ZDHHC14: variants seen among roughly 807,000 people sequenced by gnomAD.
The protein encoded by ZDHHC14 is palmitoyltransferase ZDHHC14.
In ZDHHC14, 16 loss-of-function variants were observed where a neutral mutation model predicts 47.7. That is an observed-to-expected ratio of 0.34 (90% CI 0.23 to 0.51). The LOEUF (loss-of-function observed/expected upper bound fraction) is 0.51. Ranked by LOEUF, ZDHHC14 falls within the 20% of genes least tolerant of loss-of-function variation. The pLI is 0.97. For synonymous variants in ZDHHC14, 293 were observed against 278.9 expected (o/e 1.05, Z -0.50); for missense variants, 515 against 662.5 (o/e 0.78, Z 2.44).
At chr6:157,527,239 C>G in intron 1 of ZDHHC14, among the ~76,000 whole-genome samples, 1 of 152,164 alleles carries the variant, frequency 6.6e-6, no homozygotes, top group East Asian at 1.9e-4. Flanking sequence ...CATCAGTGCC[C>G]CCATCTCCTA....
chr6:157,532,719 G>A (rs534753096), intron 1 of ZDHHC14, among the ~76,000 whole-genome samples: 2 of 152,306 alleles, frequency 1.3e-5, no homozygotes, highest in Admixed American at 1.3e-4. Context: ...CTTCTCAAAT[G>A]TATGATCCTC....
In ZDHHC14 at chr6:157,429,081, C is replaced by T. The variant is rs151065314; in HGVS notation, c.245+46815C>T. Among the ~76,000 whole-genome samples, 101 of 152,084 alleles carry T rather than the reference C, an allele frequency of 6.6e-4. No individual in the cohort carries two copies. The South Asian group carries it at 0.018, about 28-fold the overall frequency. ...GCTCACCCTGCATGGATGGTGGGGG[C>T]GTGGGGGAAGGGAACGGCCTAGGAT... On this transcript the variant is annotated intron_variant, in intron 1 of 8. Transcript: ENST00000359775.
At chr6:157,489,782 T>A (rs1779869526) in intron 1 of ZDHHC14, among the ~76,000 whole-genome samples, 1 of 152,212 alleles carries the variant, frequency 6.6e-6, no homozygotes, top group Non-Finnish European at 1.5e-5. Context: ...GGTTTGTGTT[T>A]GTTTGAGACA....
At chr6:157,580,992 A>C (rs922688769) in intron 2 of ZDHHC14, among the ~76,000 whole-genome samples, 2 of 151,586 alleles carry the variant, frequency 1.3e-5, no homozygotes, top group East Asian at 1.9e-4. Context: ...TTGCTTCTCT[A>C]ATTCCTCTAG....
At chr6:157,601,204 ATTTC>A (rs1488429365) in intron 3 of ZDHHC14, among the ~76,000 whole-genome samples, 1 of 152,224 alleles carries the variant, frequency 6.6e-6, no homozygotes, top group African/African-American at 2.4e-5. Context: ...ACAGAAGAAT[ATTTC>A]TTTAACATTA....
intron 2 of ZDHHC14, among the ~76,000 whole-genome samples, chr6:157,562,286 C>T (rs1414831098): frequency 3.3e-5 from 5 of 152,142 alleles, no homozygotes; most frequent in African/African-American, 1.2e-4. Context: ...GAAGTGGGGA[C>T]CAGGGATGCC....
chr6:157,469,759 T>C (rs1002382642), intron 1 of ZDHHC14, among the ~76,000 whole-genome samples: 10 of 152,192 alleles, frequency 6.6e-5, no homozygotes, highest in Non-Finnish European at 1.2e-4. Context: ...CACAGCTCAG[T>C]ATGGCACTAC....
intron 1 of ZDHHC14, among the ~76,000 whole-genome samples, chr6:157,478,586 A>G (rs959561934): frequency 1.3e-5 from 2 of 152,234 alleles, no homozygotes; most frequent in African/African-American, 4.8e-5. Flanking sequence ...CACACACAAG[A>G]GAGTCAAAGA....
chr6:157,458,440 A>G (rs1021388698), intron 1 of ZDHHC14, among the ~76,000 whole-genome samples: 15 of 152,252 alleles, frequency 9.9e-5, no homozygotes, highest in African/African-American at 2.4e-4. Flanking sequence ...TCACAGGAAT[A>G]TAAGAGTAGC....
intron 2 of ZDHHC14, among the ~76,000 whole-genome samples, chr6:157,556,852 A>G (rs548870913): frequency 2.6e-4 from 39 of 152,248 alleles, no homozygotes; most frequent in Admixed American, 2.5e-3. Context: ...CGAGCTGAAG[A>G]GTGCTGACTC....
At chr6:157,438,009 G>T (rs1778477933) in intron 1 of ZDHHC14, among the ~76,000 whole-genome samples, 1 of 151,488 alleles carries the variant, frequency 6.6e-6, no homozygotes, top group Non-Finnish European at 1.5e-5. Context: ...GAACTATCAT[G>T]TTTTTTTTAT....
At chr6:157,412,332 G>A (rs148190354) in intron 1 of ZDHHC14, among the ~76,000 whole-genome samples, 2,241 of 141,446 alleles carry the variant, frequency 0.016, 19 homozygotes, top group Non-Finnish European at 0.019. Flanking sequence ...TCGCTGTGTC[G>A]CCCAGGCTGG....
chr6:157,417,939 G>A (rs1340111910), intron 1 of ZDHHC14, among the ~76,000 whole-genome samples: 1 of 150,178 alleles, frequency 6.7e-6, no homozygotes, highest in Non-Finnish European at 1.5e-5. Context: ...GGGCGACAGA[G>A]CGAGAGTCCA....
Position 157,656,209 on chromosome 6 carries a change from C to T in ZDHHC14, c.1068+2582C>T, listed in dbSNP as rs913978540. 5.3e-5 allele frequency among the ~76,000 whole-genome samples: 8 copies of T among 152,280 alleles called. No individual in the cohort carries two copies. In the South Asian group the frequency reaches 1.5e-3, roughly 28 times the overall value. On this transcript the variant is annotated intron_variant, in intron 8 of 8. Coordinates refer to ENST00000359775, the MANE Select transcript of ZDHHC14 (RefSeq NM_024630.3). ...GAGTCACCTTCCAAATAACTAGTAC[C>T]GCTGAAGGCACCGGGCTGTGATGGA...
chr6:157,558,503 CT>C (rs1393546144), intron 2 of ZDHHC14, among the ~76,000 whole-genome samples: 2 of 152,280 alleles, frequency 1.3e-5, no homozygotes, highest in East Asian at 3.9e-4. Context: ...AAACTAATGA[CT>C]CTGGTGCAAA....
intron 2 of ZDHHC14, among the ~76,000 whole-genome samples, chr6:157,583,876 C>T (rs572487634): frequency 6.6e-6 from 1 of 150,586 alleles, no homozygotes; most frequent in Non-Finnish European, 1.5e-5. Context: ...GCTCCACCCA[C>T]CAAGAGATGC....
intron 1 of ZDHHC14, among the ~76,000 whole-genome samples, chr6:157,421,976 GT>G (rs1778115569): frequency 6.6e-6 from 1 of 152,128 alleles, no homozygotes; most frequent in African/African-American, 2.4e-5. Flanking sequence ...TATTGAACTC[GT>G]TCTAGGCTTC....
intron 4 of ZDHHC14, chr6:157,629,675 C>T (rs991787314): frequency 6.6e-6 from 1 of 152,170 alleles, no homozygotes; most frequent in Non-Finnish European, 1.5e-5. Context: ...TTCATCCAAA[C>T]GTGACACAAA....
intron 1 of ZDHHC14, among the ~76,000 whole-genome samples, chr6:157,388,626 G>A (rs1374966621): frequency 6.6e-6 from 1 of 152,086 alleles, no homozygotes; most frequent in East Asian, 1.9e-4. Flanking sequence ...CTAACCTAAT[G>A]CTTTTGTTCA....
Sources: gnomAD v4.1 joint callset for allele counts (sites outside exome capture counted in the v4.1 genomes callset) on GRCh38, gnomAD v4.1.1 for gene constraint, MANE v1.5 for transcripts, NCBI Gene and HGNC (gene_info 2026-07-23, HGNC 2026-07-21) for gene names.